The following ZCWPW2 variants were observed in gnomAD, a reference collection of about 807,000 sequenced individuals.
ZCWPW2 encodes the protein zinc finger CW-type and PWWP domain containing 2, also known as zinc finger CW-type PWWP domain protein 2.
A neutral mutation model predicts 46.6 loss-of-function variants in ZCWPW2; 45 were observed. That is an observed-to-expected ratio of 0.96 (90% confidence interval 0.76 to 1.24). ZCWPW2 has a LOEUF of 1.24. Among genes scored for constraint, ZCWPW2 ranks in the 50% most tolerant of loss-of-function variants. ZCWPW2 has a pLI of 0.00. For synonymous variants in ZCWPW2, 152 were observed against 137.1 expected (o/e 1.11, Z -0.76); for missense variants, 429 against 403.9 (o/e 1.06, Z -0.53).
At chr3:28,364,117 A>T (rs1272949000) in intron 1 of ZCWPW2, among the ~76,000 whole-genome samples, 1 of 152,224 alleles carries the variant, frequency 6.6e-6, no homozygotes, top group Non-Finnish European at 1.5e-5. Context: ...AATGAAAAAG[A>T]CTGATAGTAT....
chr3:28,434,672 C>G (rs960398527), intron 3 of ZCWPW2, among the ~76,000 whole-genome samples: 1 of 152,188 alleles, frequency 6.6e-6, no homozygotes, highest in African/African-American at 2.4e-5. Flanking sequence ...AGACCTGGCT[C>G]AGGAAATACC....
intron 5 of ZCWPW2, among the ~76,000 whole-genome samples, chr3:28,487,100 A>G (rs1329532876): frequency 6.6e-6 from 1 of 151,730 alleles, no homozygotes; most frequent in Non-Finnish European, 1.5e-5. Flanking sequence ...TTTGGCATTT[A>G]TATTACTTAG....
intron 1 of ZCWPW2, among the ~76,000 whole-genome samples, chr3:28,363,408 A>G (rs1012611129): frequency 1.3e-5 from 2 of 152,174 alleles, no homozygotes; most frequent in Non-Finnish European, 2.9e-5. Flanking sequence ...CACTGGGCTT[A>G]TTCTCATTCT....
intron 5 of ZCWPW2, among the ~76,000 whole-genome samples, chr3:28,484,600 G>A (rs560767512): frequency 6.6e-6 from 1 of 152,138 alleles, no homozygotes; most frequent in South Asian, 2.1e-4. Flanking sequence ...TTCTTTTAAT[G>A]TCCATGGGAT....
intron 1 of ZCWPW2, among the ~76,000 whole-genome samples, chr3:28,353,340 G>C (rs757144961): frequency 6.6e-6 from 1 of 152,146 alleles, no homozygotes; most frequent in South Asian, 2.1e-4. Context: ...AGGGAAGTAT[G>C]ATAGGGTGAT....
At chr3:28,505,073 G>T (rs1198726284) in intron 6 of ZCWPW2, among the ~76,000 whole-genome samples, 1 of 152,152 alleles carries the variant, frequency 6.6e-6, no homozygotes, top group Non-Finnish European at 1.5e-5. Context: ...CCTCAGCCAG[G>T]ATTGTAAGTG....
At chr3:28,507,933 A>G (rs1700321448) in intron 6 of ZCWPW2, among the ~76,000 whole-genome samples, 1 of 152,096 alleles carries the variant, frequency 6.6e-6, no homozygotes, top group African/African-American at 2.4e-5. Context: ...CACTTTGTAC[A>G]TTTTAAAGCT....
chr3:28,433,917 G>GTTTT (rs71295064), intron 3 of ZCWPW2, among the ~76,000 whole-genome samples: 2,637 of 140,700 alleles, frequency 0.019, 71 homozygotes, highest in African/African-American at 0.062. Context: ...TTCCACCCCA[G>GTTTT]TTTTTTTTTT....
intron 4 of ZCWPW2, among the ~76,000 whole-genome samples, chr3:28,451,773 T>A (rs144766699): frequency 2.5e-4 from 38 of 152,352 alleles, no homozygotes; most frequent in African/African-American, 8.4e-4. Flanking sequence ...GGCAGCATTT[T>A]GCCATCAGAG....
chr3:28,496,316 T>C (rs1448537578), intron 6 of ZCWPW2, among the ~76,000 whole-genome samples: 1 of 152,076 alleles, frequency 6.6e-6, no homozygotes, highest in African/African-American at 2.4e-5. Context: ...ACTGAATTTT[T>C]AAAAATAAAC....
intron 2 of ZCWPW2, among the ~76,000 whole-genome samples, chr3:28,393,010 A>G (rs1695556967): frequency 6.6e-6 from 1 of 152,014 alleles, no homozygotes; most frequent in South Asian, 2.1e-4. Context: ...GATCAAAGAA[A>G]CTAAAACTGG....
At chr3:28,490,490 T>C (rs962413054) in intron 5 of ZCWPW2, among the ~76,000 whole-genome samples, 3 of 152,124 alleles carry the variant, frequency 2.0e-5, no homozygotes, top group Middle Eastern at 3.2e-3. Context: ...TATGTAGTCA[T>C]GTAAAAGAAC....
rs556541170 is a variant in ZCWPW2, at chr3:28,355,609, G to T, written c.-134+6406G>T. Among the ~76,000 whole-genome samples, 11 of 152,314 alleles carry T rather than the reference G, an allele frequency of 7.2e-5. No individual in the cohort carries two copies. In the East Asian group the frequency reaches 2.1e-3, roughly 29 times the overall value. Reference sequence around the variant, plus strand: ...ACCTGACTTCAAACTATACTGCAAGGCTACAGTAACCAAAATAGCATGGTA... The same window carrying T: ...ACCTGACTTCAAACTATACTGCAAGTCTACAGTAACCAAAATAGCATGGTA... On this transcript the variant is annotated intron_variant, in intron 1 of 9. Coordinates refer to ENST00000383768, the MANE Select transcript of ZCWPW2 (RefSeq NM_001040432.4).
Position 28,435,185 on chromosome 3 carries a change from G to C in ZCWPW2, c.408G>C (p.Glu136Asp). The C allele has an allele frequency of 6.2e-7, 1 of 1,613,702 alleles. No homozygotes were observed. The highest frequency in any genetic ancestry group is 8.5e-7 in the Non-Finnish European group (1 of 1,179,944). The change falls in exon 4 of 10, where the codon GAG becomes GAC. Residue 136 changes from glutamate to aspartate, a missense_variant. Glu to Asp is a conservative substitution (Grantham distance 45). Transcript: ENST00000383768. ...ATGACCCGGATGGAAATGTTGAAGA[G>C]TATCACATAGAATTCCTGGGCGATC... ...VTYDPDGNVE[E>D]YHIEFLGDPH...
At chr3:28,401,602 A>G (rs554234557) in intron 2 of ZCWPW2, among the ~76,000 whole-genome samples, 1 of 152,334 alleles carries the variant, frequency 6.6e-6, no homozygotes, top group Admixed American at 6.5e-5. Flanking sequence ...AGATTTATAC[A>G]GAACATTTCA....
At chr3:28,366,947 T>C (rs1302514255) in intron 1 of ZCWPW2, among the ~76,000 whole-genome samples, 1 of 152,220 alleles carries the variant, frequency 6.6e-6, no homozygotes, top group Non-Finnish European at 1.5e-5. Flanking sequence ...GTTTATAGTA[T>C]TCTCTGATGG....
intron 2 of ZCWPW2, among the ~76,000 whole-genome samples, chr3:28,403,392 T>C (rs1021811848): frequency 4.6e-5 from 7 of 152,004 alleles, no homozygotes; most frequent in African/African-American, 1.7e-4. Flanking sequence ...TTAGAAATCA[T>C]AGACAACACA....
At chr3:28,498,825 G>A (rs1700067391) in intron 6 of ZCWPW2, among the ~76,000 whole-genome samples, 1 of 151,980 alleles carries the variant, frequency 6.6e-6, no homozygotes, top group South Asian at 2.1e-4. Flanking sequence ...ACAGGCCTCA[G>A]TGTGTGATGT....
chr3:28,502,260 A>G (rs1039995952), intron 6 of ZCWPW2, among the ~76,000 whole-genome samples: 1 of 152,176 alleles, frequency 6.6e-6, no homozygotes, highest in Non-Finnish European at 1.5e-5. Context: ...TATTACAATT[A>G]GAGAAAATAG....
Sources: gnomAD v4.1 joint callset for allele counts (sites outside exome capture counted in the v4.1 genomes callset) on GRCh38, gnomAD v4.1.1 for gene constraint, MANE v1.5 for transcripts, NCBI Gene and HGNC (gene_info 2026-07-23, HGNC 2026-07-21) for gene names.